Variants in FBXL2 observed in about 807,000 individuals in gnomAD.
FBXL2 encodes F-box and leucine rich repeat protein 2.
A neutral mutation model predicts 69.2 loss-of-function variants in FBXL2; 38 were observed. The ratio of observed to expected loss-of-function variants is 0.55; its 90% CI spans 0.42 to 0.72. The LOEUF (loss-of-function observed/expected upper bound fraction) is 0.72. FBXL2 is among the 30% of genes least tolerant of loss of function. FBXL2 has a pLI of 0.00. For missense variants in FBXL2, 354 were observed against 520.3 expected (o/e 0.68, Z 3.11); for synonymous variants, 192 against 201.3 (o/e 0.95, Z 0.39).
intron 2 of FBXL2, among the ~76,000 whole-genome samples, chr3:33,357,138 T>C (rs2041258482): frequency 6.6e-6 from 1 of 152,248 alleles, no homozygotes; most frequent in African/African-American, 2.4e-5. Context: ...ACATAGTTGG[T>C]GCATAATCAA....
intron 12 of FBXL2, chr3:33,403,175 T>C (rs1363613350): frequency 8.5e-6 from 3 of 352,662 alleles, no homozygotes; most frequent in Non-Finnish European, 1.6e-5. Flanking sequence ...AATATATGCT[T>C]AAGTATAATT....
At chr3:33,347,821 T>A (rs920150959) in intron 2 of FBXL2, among the ~76,000 whole-genome samples, 6 of 152,230 alleles carry the variant, frequency 3.9e-5, no homozygotes, top group Non-Finnish European at 7.3e-5. Context: ...TGTCTTCTTT[T>A]GAGAAATGCC....
chr3:33,369,819 G>C (rs545028252), intron 5 of FBXL2, among the ~76,000 whole-genome samples: 1 of 151,738 alleles, frequency 6.6e-6, no homozygotes, highest in Non-Finnish European at 1.5e-5. Context: ...TGCCCAGTTG[G>C]CCAGGCTGGT....
intron 13 of FBXL2, among the ~76,000 whole-genome samples, chr3:33,380,156 C>T (rs1323128893): frequency 2.7e-5 from 4 of 145,702 alleles, no homozygotes; most frequent in South Asian, 2.2e-4. Flanking sequence ...ACCTGGGAGG[C>T]GGAGGTTGCA....
the FBXL2 span, chr3:33,411,463 C>T: frequency 4.8e-6 from 4 of 825,332 alleles, no homozygotes; most frequent in East Asian, 2.6e-5. Flanking sequence ...TATAGAAAGA[C>T]ACTACAACAT....
At chr3:33,421,521 C>T in the FBXL2 span, among the ~76,000 whole-genome samples, 2 of 152,178 alleles carry the variant, frequency 1.3e-5, no homozygotes, top group African/African-American at 4.8e-5. Flanking sequence ...CTGCCCACCT[C>T]AGCCTCCCAA....
chr3:33,293,177 A>G (rs1477468920), intron 1 of FBXL2, among the ~76,000 whole-genome samples: 1 of 152,188 alleles, frequency 6.6e-6, no homozygotes, highest in African/African-American at 2.4e-5. Context: ...TTATAATAGT[A>G]ATTGGAGACT....
chr3:33,379,077 A>G (rs2042837711), intron 13 of FBXL2, among the ~76,000 whole-genome samples: 1 of 151,342 alleles, frequency 6.6e-6, no homozygotes. Flanking sequence ...GCACAATCTG[A>G]GCTCGCTACA....
At chr3:33,377,105 T>C (rs1351272720) in intron 10 of FBXL2, among the ~76,000 whole-genome samples, 168 bp from the exon 11 acceptor site, 1 of 152,190 alleles carries the variant, frequency 6.6e-6, no homozygotes, top group Admixed American at 6.5e-5. Flanking sequence ...CTTTCCAAGT[T>C]TGGGATGGAA....
chr3:33,344,214 G>A (rs959201910), intron 2 of FBXL2, among the ~76,000 whole-genome samples: 11 of 151,846 alleles, frequency 7.2e-5, no homozygotes, highest in African/African-American at 2.7e-4. Context: ...AAAACAAAAT[G>A]CAAATAAATA....
intron 13 of FBXL2, 200 bp from the exon 14 acceptor site, chr3:33,383,787 TAC>T (rs1361568206): frequency 1.2e-5 from 7 of 570,382 alleles, no homozygotes; most frequent in South Asian, 1.0e-4. Flanking sequence ...GTGCTGCTAC[TAC>T]AGACTGGATA....
chr3:33,302,717 G>T (rs2036395492), intron 2 of FBXL2, among the ~76,000 whole-genome samples: 1 of 152,014 alleles, frequency 6.6e-6, no homozygotes, highest in Non-Finnish European at 1.5e-5. Flanking sequence ...AATTTGTGTG[G>T]ATACATGATA....
intron 2 of FBXL2, among the ~76,000 whole-genome samples, chr3:33,329,798 C>T (rs2039010342): frequency 6.7e-6 from 1 of 149,984 alleles, no homozygotes; most frequent in Admixed American, 6.6e-5. Flanking sequence ...TTGAGATCAG[C>T]CTGGGCCACG....
intron 2 of FBXL2, among the ~76,000 whole-genome samples, chr3:33,299,247 G>A (rs1021870851): frequency 1.6e-4 from 25 of 152,066 alleles, no homozygotes; most frequent in African/African-American, 6.0e-4. Flanking sequence ...TCACTGTGTT[G>A]CCCAGGCTGA....
At chr3:33,396,940 C>T in intron 12 of FBXL2, 1 of 1,017,838 alleles carries the variant, frequency 9.8e-7, no homozygotes, top group Non-Finnish European at 1.5e-6. Flanking sequence ...CGATGGCGCA[C>T]ACAGGCACAC....
chr3:33,382,852 A>C (rs529201637), intron 13 of FBXL2: 1 of 152,282 alleles, frequency 6.6e-6, no homozygotes, highest in East Asian at 1.9e-4. Context: ...TAACCTACAC[A>C]ACTCTGTGAT....
chr3:33,302,974 C>A, intron 2 of FBXL2: 1 of 431,202 alleles, frequency 2.3e-6, no homozygotes. Context: ...AAGATATAGC[C>A]CAGTGCTTAT....
In FBXL2 at chr3:33,286,274, C is replaced by T. The variant is rs181286444; in HGVS notation, c.3+8759C>T. 4.0e-3 allele frequency among the ~76,000 whole-genome samples: 607 copies of T among 152,332 alleles called. 7 individuals are homozygous for T. Among genetic ancestry groups the T allele is most frequent in the African/African-American group, 0.013 (548 of 41,574 alleles). On this transcript the variant is annotated intron_variant, in intron 1 of 14. Coordinates refer to ENST00000484457, the MANE Select transcript of FBXL2 (RefSeq NM_012157.5). ...TTCTAACAGTCAGGACCCTCAGCTG[C>T]AGGTCTGTTGGAGTTTGCTGGAGGT...
At chr3:33,286,241 A>T (rs553456743) in intron 1 of FBXL2, among the ~76,000 whole-genome samples, 33 of 152,204 alleles carry the variant, frequency 2.2e-4, no homozygotes, top group African/African-American at 7.7e-4. Flanking sequence ...TCTGTTTGTT[A>T]GTTTTCCTTC....
Sources: gnomAD v4.1 joint callset for allele counts (sites outside exome capture counted in the v4.1 genomes callset) on GRCh38, gnomAD v4.1.1 for gene constraint, MANE v1.5 for transcripts, NCBI Gene and HGNC (gene_info 2026-07-23, HGNC 2026-07-21) for gene names.